Variants in PAPPA2 observed in about 807,000 individuals in gnomAD.
The protein encoded by PAPPA2 is pappalysin-2.
A neutral mutation model predicts 176.4 loss-of-function variants in PAPPA2; 86 were observed. The ratio of observed to expected loss-of-function variants is 0.49; its 90% CI spans 0.41 to 0.58. The LOEUF (loss-of-function observed/expected upper bound fraction) is 0.58. Among genes scored for constraint, PAPPA2 ranks in the 20% least tolerant of loss-of-function variants. PAPPA2 has a pLI of 0.00. For missense variants in PAPPA2, 2,073 were observed against 2,256.9 expected, an observed-to-expected ratio of 0.92 and a Z score of 1.65; for synonymous variants, 809 against 852.2, an observed-to-expected ratio of 0.95 and a Z score of 0.88.
chr1:176,591,547 T>C (rs941811014), intron 2 of PAPPA2, among the ~76,000 whole-genome samples: 3 of 152,224 alleles, frequency 2.0e-5, no homozygotes, highest in African/African-American at 7.2e-5. Flanking sequence ...CTGCACTATA[T>C]TGAACTCTCC....
At chr1:176,734,723 T>C (rs1366818913) in intron 12 of PAPPA2, among the ~76,000 whole-genome samples, 1 of 152,134 alleles carries the variant, frequency 6.6e-6, no homozygotes, top group Non-Finnish European at 1.5e-5. Context: ...ATAGCAATAG[T>C]ATTAGGTTGA....
intron 4 of PAPPA2, among the ~76,000 whole-genome samples, chr1:176,682,451 G>C (rs1659628650): frequency 6.6e-6 from 1 of 152,006 alleles, no homozygotes. Context: ...TGTTATTTTT[G>C]TTTGTTTTTA....
intron 4 of PAPPA2, among the ~76,000 whole-genome samples, chr1:176,673,958 A>G (rs576473042): frequency 1.3e-5 from 2 of 152,262 alleles, no homozygotes; most frequent in South Asian, 4.1e-4. Flanking sequence ...AACTTGAGAG[A>G]CCAGGATCCT....
intron 1 of PAPPA2, among the ~76,000 whole-genome samples, chr1:176,552,263 A>T (rs888281424): frequency 6.7e-6 from 1 of 150,080 alleles, no homozygotes; most frequent in African/African-American, 2.5e-5. Context: ...TCCTCCCAGA[A>T]TCTTCTCTTT....
At chr1:176,554,809 G>A (rs559240932) in intron 1 of PAPPA2, among the ~76,000 whole-genome samples, 6 of 152,058 alleles carry the variant, frequency 3.9e-5, no homozygotes, top group African/African-American at 1.2e-4. Flanking sequence ...TCCCATGTCC[G>A]ATTTAAAGTG....
At chr1:176,822,920 A>G (rs1277305001) in intron 21 of PAPPA2, among the ~76,000 whole-genome samples, 1 of 152,214 alleles carries the variant, frequency 6.6e-6, no homozygotes, top group Non-Finnish European at 1.5e-5. Context: ...TTCTCGCAGT[A>G]CCTTATCAAA....
intron 4 of PAPPA2, 109 bp from the exon 5 acceptor site, chr1:176,690,028 C>A: frequency 9.8e-7 from 1 of 1,024,222 alleles, no homozygotes; most frequent in Non-Finnish European, 1.4e-6. Flanking sequence ...TATAAAGTGA[C>A]TCCTTAGAGG....
intron 14 of PAPPA2, among the ~76,000 whole-genome samples, chr1:176,753,262 C>T (rs1663263938): frequency 6.6e-6 from 1 of 152,204 alleles, no homozygotes; most frequent in South Asian, 2.1e-4. Context: ...GCCATTCCAT[C>T]CCTGCTGTAA....
intron 1 of PAPPA2, among the ~76,000 whole-genome samples, chr1:176,538,299 C>A (rs2102561939): frequency 6.6e-6 from 1 of 152,304 alleles, no homozygotes; most frequent in South Asian, 2.1e-4. Context: ...CAGGAGTGAA[C>A]CAAGCACTTC....
chr1:176,546,170 G>A (rs998604754), intron 1 of PAPPA2, among the ~76,000 whole-genome samples: 1 of 152,186 alleles, frequency 6.6e-6, no homozygotes, highest in Non-Finnish European at 1.5e-5. Context: ...GTCTAGGGCT[G>A]CTTCCTGGAC....
chr1:176,664,272 A>T (rs1335663255), intron 3 of PAPPA2, among the ~76,000 whole-genome samples: 1 of 152,220 alleles, frequency 6.6e-6, no homozygotes, highest in Non-Finnish European at 1.5e-5. Flanking sequence ...CAGGATGTCA[A>T]CAAGGCTGCA....
At chr1:176,599,684 T>A (rs915420677) in intron 3 of PAPPA2, among the ~76,000 whole-genome samples, 1 of 151,742 alleles carries the variant, frequency 6.6e-6, no homozygotes, top group Non-Finnish European at 1.5e-5. Flanking sequence ...TTTGGAATTG[T>A]TTTTTTGTGT....
intron 3 of PAPPA2, among the ~76,000 whole-genome samples, chr1:176,597,546 C>A (rs1280135763): frequency 6.6e-6 from 1 of 151,666 alleles, no homozygotes; most frequent in Admixed American, 6.6e-5. Context: ...GGCTGGGGGG[C>A]TAGGGGAAGG....
chr1:176,722,321 AT>A (rs546265387), intron 12 of PAPPA2, among the ~76,000 whole-genome samples: 266 of 142,420 alleles, frequency 1.9e-3, no homozygotes, highest in Middle Eastern at 0.011. Flanking sequence ...TCCTTTCAAG[AT>A]TTTTTTTTTT....
At chr1:176,550,441 GGAA>G (rs1650880485) in intron 1 of PAPPA2, among the ~76,000 whole-genome samples, 1 of 152,200 alleles carries the variant, frequency 6.6e-6, no homozygotes. Flanking sequence ...GGATGAGCGG[GGAA>G]GAACCCAGCA....
At chr1:176,791,896 G>A (rs1665193567) in intron 19 of PAPPA2, among the ~76,000 whole-genome samples, 1 of 152,180 alleles carries the variant, frequency 6.6e-6, no homozygotes, top group Admixed American at 6.5e-5. Context: ...GGATTGAAAT[G>A]CAAGTTGACT....
intron 2 of PAPPA2, among the ~76,000 whole-genome samples, chr1:176,586,373 G>A (rs990492861): frequency 1.3e-5 from 2 of 152,016 alleles, no homozygotes; most frequent in Non-Finnish European, 2.9e-5. Flanking sequence ...GTGCAGGTTT[G>A]TTACATAGAT....
At chr1:176,616,481 A>G (rs1655264365) in intron 3 of PAPPA2, 1 of 793,550 alleles carries the variant, frequency 1.3e-6, no homozygotes, top group Admixed American at 2.0e-5. Flanking sequence ...CTACAATGCA[A>G]TTAACAGCAA....
In PAPPA2 at chr1:176,842,229, A is replaced by C. The variant is rs1034646138; in HGVS notation, c.5302-151A>C. The C allele has an allele frequency of 3.5e-5, 24 of 676,958 alleles. No individual in the cohort carries two copies. The African/African-American group carries it at 4.3e-4, about 12-fold the overall frequency. The allele number at this position is 676,958 out of a possible 1,614,324, so 41.9% of individuals were successfully genotyped here. On this transcript the variant is annotated intron_variant, in intron 22 of 22. Coordinates refer to ENST00000367662, the MANE Select transcript of PAPPA2 (RefSeq NM_020318.3). ...AGGCTACATGGTGACATGATGTGTGAGTGGGAAAACTGCGTGTTAATTTCC... is the reference window on the plus strand; with the variant it reads ...AGGCTACATGGTGACATGATGTGTGCGTGGGAAAACTGCGTGTTAATTTCC...
Sources: allele counts gnomAD v4.1 joint callset (sites outside exome capture counted in the v4.1 genomes callset), GRCh38; gene constraint gnomAD v4.1.1; transcripts MANE v1.5; gene names NCBI Gene and HGNC (gene_info 2026-07-23, HGNC 2026-07-21).